Variants in RANBP2 observed in about 807,000 individuals in gnomAD.
RANBP2 encodes the protein RAN binding protein 2.
RANBP2 carries 57 observed loss-of-function variants against 303.6 expected under a neutral mutation model. That is an observed-to-expected ratio of 0.19 (90% CI 0.15 to 0.23). The LOEUF (loss-of-function observed/expected upper bound fraction) is 0.23, where lower values mean the gene tolerates loss of function less well. Among genes scored for constraint, RANBP2 ranks in the 10% least tolerant of loss-of-function variants. The pLI, the probability that RANBP2 is intolerant of heterozygous loss-of-function variation, is 1.00. For missense variants in RANBP2, 3,138 were observed against 3,780.8 expected, an observed-to-expected ratio of 0.83 and a Z score of 4.46; for synonymous variants, 1,167 against 1,301.5, an observed-to-expected ratio of 0.90 and a Z score of 2.23.
chr2:108,873,876 C>A, the RANBP2 span, among the ~76,000 whole-genome samples: 3 of 152,106 alleles, frequency 2.0e-5, no homozygotes, highest in Admixed American at 6.6e-5. Context: ...TGATTTAGAC[C>A]TTTCTGAATC....
chr2:109,560,707 G>A, the RANBP2 span, among the ~76,000 whole-genome samples: 2 of 152,072 alleles, frequency 1.3e-5, no homozygotes, highest in Non-Finnish European at 2.9e-5. Context: ...TACCACTGCT[G>A]CCTCACACAC....
the RANBP2 span, among the ~76,000 whole-genome samples, chr2:109,508,959 C>A: frequency 6.6e-6 from 1 of 152,214 alleles, no homozygotes; most frequent in African/African-American, 2.4e-5. Context: ...GGTCCCAGAG[C>A]GCTTCCTCTG....
At chr2:109,544,424 G>A in the RANBP2 span, 12 of 1,425,420 alleles carry the variant, frequency 8.4e-6, no homozygotes, top group South Asian at 3.5e-5. Context: ...TCTGGCCATG[G>A]GACTTTGAAA....
chr2:109,581,868 A>G, the RANBP2 span, among the ~76,000 whole-genome samples: 1 of 152,240 alleles, frequency 6.6e-6, no homozygotes, highest in Non-Finnish European at 1.5e-5. Context: ...CCAAATAGGA[A>G]AAGAAAAAGT....
At chr2:108,834,001 C>T in the RANBP2 span, among the ~76,000 whole-genome samples, 11 of 150,422 alleles carry the variant, frequency 7.3e-5, no homozygotes, top group Admixed American at 2.7e-4. Flanking sequence ...CTGCCTCGGC[C>T]TCCCAAAGTG....
chr2:109,241,567 T>C, the RANBP2 span, among the ~76,000 whole-genome samples: 2 of 152,082 alleles, frequency 1.3e-5, no homozygotes, highest in Non-Finnish European at 2.9e-5. Context: ...CCTTCTTCCC[T>C]CCCACTTGGC....
At chr2:109,794,594 GGCGGCGGCGGCGGC>G in the RANBP2 span, 4 of 903,574 alleles carry the variant, frequency 4.4e-6, no homozygotes, top group Admixed American at 1.3e-4. Context: ...GGGCGGCGGC[GGCGGCGGCGGCGGC>G]GGGGGGGGCG....
chr2:108,734,238 T>C (rs1222109897), intron 4 of RANBP2, among the ~76,000 whole-genome samples: 1 of 151,720 alleles, frequency 6.6e-6, no homozygotes, highest in East Asian at 1.9e-4. Flanking sequence ...GGAATTTATA[T>C]GTGATAGCAT....
the RANBP2 span, chr2:109,251,566 G>A: frequency 1.2e-6 from 1 of 813,388 alleles, no homozygotes; most frequent in Non-Finnish European, 2.2e-6. Flanking sequence ...TGTGGAGATG[G>A]CGACTGGTGG....
chr2:109,178,398 G>A, the RANBP2 span, among the ~76,000 whole-genome samples: 1 of 152,124 alleles, frequency 6.6e-6, no homozygotes, highest in African/African-American at 2.4e-5. Context: ...AATATTGGTG[G>A]TATGCTTTAG....
chr2:108,856,848 A>G, the RANBP2 span: 6 of 1,613,528 alleles, frequency 3.7e-6, no homozygotes, highest in East Asian at 1.3e-4. Flanking sequence ...AAGACAGAAG[A>G]AGGAAAAACC....
chr2:108,913,718 G>T, the RANBP2 span, among the ~76,000 whole-genome samples: 1 of 152,060 alleles, frequency 6.6e-6, no homozygotes, highest in African/African-American at 2.4e-5. Context: ...AGAAGGACAA[G>T]AGGTGGCGGA....
At chr2:108,901,551 C>T in the RANBP2 span, among the ~76,000 whole-genome samples, 5 of 152,094 alleles carry the variant, frequency 3.3e-5, no homozygotes, top group East Asian at 3.9e-4. Context: ...TTGAAAAGAT[C>T]AATATAACTG....
chr2:108,748,012 C>T (rs1237474346), intron 8 of RANBP2, among the ~76,000 whole-genome samples: 4 of 152,152 alleles, frequency 2.6e-5, no homozygotes, highest in African/African-American at 4.8e-5. Context: ...GTAGGTTTGC[C>T]TCTTCTGAAC....
the RANBP2 span, among the ~76,000 whole-genome samples, chr2:109,440,481 A>G: frequency 1.3e-5 from 2 of 152,250 alleles, no homozygotes; most frequent in Non-Finnish European, 2.9e-5. Flanking sequence ...GTTGAATAAT[A>G]GACATAGTCA....
At chr2:109,365,810 A>G in the RANBP2 span, among the ~76,000 whole-genome samples, 3 of 152,350 alleles carry the variant, frequency 2.0e-5, no homozygotes, top group East Asian at 3.9e-4. Flanking sequence ...CTTGTGAACT[A>G]TGATCCTGCC....
the RANBP2 span, among the ~76,000 whole-genome samples, chr2:109,291,515 G>T: frequency 6.6e-6 from 1 of 152,204 alleles, no homozygotes; most frequent in Admixed American, 6.5e-5. Context: ...GCGGAGGAGC[G>T]CTTGTGAGAT....
At chr2:108,856,638 A>G in the RANBP2 span, 1 of 199,040 alleles carries the variant, frequency 5.0e-6, no homozygotes, top group Non-Finnish European at 9.0e-6. Context: ...AGTTCTGACA[A>G]ATCAGTTAGA....
At chr2:109,402,214 G>T in the RANBP2 span, among the ~76,000 whole-genome samples, 1 of 152,330 alleles carries the variant, frequency 6.6e-6, no homozygotes, top group South Asian at 2.1e-4. Flanking sequence ...CTACCACCTT[G>T]CTGGCCATGT....
Sources: gnomAD v4.1 joint callset for allele counts (sites outside exome capture counted in the v4.1 genomes callset) on GRCh38, gnomAD v4.1.1 for gene constraint, MANE v1.5 for transcripts, NCBI Gene and HGNC (gene_info 2026-07-23, HGNC 2026-07-21) for gene names.